TLK1: variants seen among roughly 807,000 people sequenced by gnomAD.
TLK1 encodes serine/threonine-protein kinase tousled-like 1.
Under a neutral mutation model 105.3 loss-of-function variants are expected in TLK1, and 24 were observed. The ratio of observed to expected loss-of-function variants is 0.23; its 90% CI spans 0.17 to 0.32. TLK1 has a LOEUF of 0.32. Among genes scored for constraint, TLK1 ranks in the 10% least tolerant of loss-of-function variants. The pLI, the probability that TLK1 is intolerant of heterozygous loss-of-function variation, is 1.00. For missense variants in TLK1, 558 were observed against 910.5 expected, an observed-to-expected ratio of 0.61 and a Z score of 4.98; for synonymous variants, 321 against 310.4, an observed-to-expected ratio of 1.03 and a Z score of -0.36.
Position 170,993,102 on chromosome 2 carries a change from T to C in TLK1, c.*678A>G, listed in dbSNP as rs1045327. The C allele has an allele frequency of 0.21, 31,648 of 152,588 alleles. 3,902 individuals are homozygous for C. The highest frequency in any genetic ancestry group is 0.28 in the Non-Finnish European group (19,231 of 67,980). 9.5% of individuals were successfully genotyped at this position (152,588 alleles called of 1,614,324 possible). A position where few individuals can be genotyped will look rare whatever the true frequency, so the allele number is the denominator to read the frequency against. ...CACAAGCAGCTCATTTTGTCAAAGG[T>C]GTAAAGTATTTAGAAATAATAGCTC... On this transcript the variant is annotated 3_prime_UTR_variant, in exon 21 of 21. Coordinates refer to ENST00000431350, the MANE Select transcript of TLK1 (RefSeq NM_012290.5).
At chr2:171,077,470 A>T (rs1333453445) in intron 3 of TLK1, among the ~76,000 whole-genome samples, 1 of 152,204 alleles carries the variant, frequency 6.6e-6, no homozygotes, top group East Asian at 1.9e-4. Context: ...GTTCTGCCAA[A>T]AGCAGTCAAT....
intron 11 of TLK1, among the ~76,000 whole-genome samples, chr2:171,044,948 A>G: frequency 6.6e-6 from 1 of 152,204 alleles, no homozygotes; most frequent in East Asian, 1.9e-4. Flanking sequence ...AAGGCAGAAG[A>G]GACTACGAGG....
At chr2:171,173,176 T>G (rs1692760334) in intron 1 of TLK1, among the ~76,000 whole-genome samples, 1 of 152,212 alleles carries the variant, frequency 6.6e-6, no homozygotes, top group Admixed American at 6.5e-5. Context: ...TTTGGTATGA[T>G]GTAGGGTGAA....
chr2:171,070,530 T>TG (rs1688203828), intron 3 of TLK1, among the ~76,000 whole-genome samples: 1 of 152,208 alleles, frequency 6.6e-6, no homozygotes, highest in Admixed American at 6.5e-5. Context: ...ATGTGAAGTT[T>TG]GTCTTTCTGT....
intron 11 of TLK1, among the ~76,000 whole-genome samples, chr2:171,044,958 G>T (rs1275496615): frequency 4.6e-5 from 7 of 152,132 alleles, no homozygotes. Flanking sequence ...AGACTACGAG[G>T]ACAGGCAACT....
intron 3 of TLK1, 104 bp from the exon 4 acceptor site, chr2:171,061,260 TA>T (rs1222695641): frequency 1.7e-5 from 17 of 982,432 alleles, no homozygotes; most frequent in Non-Finnish European, 2.5e-5. Flanking sequence ...TAGCATTCAG[TA>T]GTGCTCAAGA....
chr2:171,126,771 T>C (rs1008947566), intron 1 of TLK1, among the ~76,000 whole-genome samples: 3 of 151,946 alleles, frequency 2.0e-5, no homozygotes, highest in African/African-American at 7.2e-5. Context: ...CTACTTTTCA[T>C]ATTACACTTG....
At chr2:171,126,811 C>T (rs973371079) in intron 1 of TLK1, among the ~76,000 whole-genome samples, 2 of 151,578 alleles carry the variant, frequency 1.3e-5, no homozygotes, top group Admixed American at 6.6e-5. Flanking sequence ...ACAGTTAAAG[C>T]TTTTCTTCTA....
chr2:170,995,188 G>C (rs1337141585), intron 20 of TLK1, among the ~76,000 whole-genome samples: 1 of 152,144 alleles, frequency 6.6e-6, no homozygotes, highest in African/African-American at 2.4e-5. Flanking sequence ...ATATGTTAGA[G>C]TTTGAGGAGT....
rs535144998 is a variant in TLK1, at chr2:171,073,421, C to T, written c.330+9360G>A. ...ATCCATTTCATGATTTCATGACCTACAAGAACTCAACTAGACAGAATATAT... is the reference window on the plus strand; with the variant it reads ...ATCCATTTCATGATTTCATGACCTATAAGAACTCAACTAGACAGAATATAT... On this transcript the variant is annotated intron_variant, in intron 3 of 20. Coordinates refer to ENST00000431350, the MANE Select transcript of TLK1 (RefSeq NM_012290.5). Among the ~76,000 whole-genome samples the T allele has an allele frequency of 2.6e-5, 4 of 152,218 alleles. No homozygotes were observed. In the South Asian group the frequency reaches 8.3e-4, roughly 32 times the overall value.
intron 1 of TLK1, among the ~76,000 whole-genome samples, chr2:171,157,811 G>A (rs1692297167): frequency 1.3e-5 from 2 of 152,156 alleles, no homozygotes; most frequent in South Asian, 4.1e-4. Context: ...GAATATTTAT[G>A]TAAGTTCACA....
chr2:171,056,691 C>T, intron 5 of TLK1, 125 bp from the exon 6 acceptor site: 1 of 620,336 alleles, frequency 1.6e-6, no homozygotes, highest in Non-Finnish European at 2.5e-6. Flanking sequence ...TTAAATGGGT[C>T]CAGAACAAAA....
intron 1 of TLK1, among the ~76,000 whole-genome samples, chr2:171,187,665 C>T (rs1466230881): frequency 6.6e-6 from 1 of 152,110 alleles, no homozygotes; most frequent in African/African-American, 2.4e-5. Flanking sequence ...TTTAGGAAGC[C>T]AGCTCTCCAC....
intron 1 of TLK1, among the ~76,000 whole-genome samples, chr2:171,223,577 T>G (rs527928075): frequency 6.6e-6 from 1 of 151,884 alleles, no homozygotes; most frequent in African/African-American, 2.4e-5. Flanking sequence ...CTTCCTGAGT[T>G]CAAGCGATTC....
At chr2:171,105,555 G>T (rs58685348) in intron 2 of TLK1, among the ~76,000 whole-genome samples, 17,191 of 152,016 alleles carry the variant, frequency 0.11, 1,535 homozygotes, top group African/African-American at 0.24. Context: ...GTGTGGTGGC[G>T]TGCGCCTGTA....
chr2:171,203,888 A>T (rs1334824357), intron 1 of TLK1, among the ~76,000 whole-genome samples: 1 of 151,098 alleles, frequency 6.6e-6, no homozygotes, highest in Non-Finnish European at 1.5e-5. Flanking sequence ...TATCTCTACT[A>T]AAAAAATACA....
At chr2:171,129,861 A>G (rs1415553538) in intron 1 of TLK1, among the ~76,000 whole-genome samples, 1 of 152,012 alleles carries the variant, frequency 6.6e-6, no homozygotes, top group Non-Finnish European at 1.5e-5. Flanking sequence ...ATAACATAAC[A>G]TAACATAACA....
intron 1 of TLK1, among the ~76,000 whole-genome samples, chr2:171,201,429 T>G (rs1458903366): frequency 2.0e-5 from 3 of 152,208 alleles, no homozygotes; most frequent in Non-Finnish European, 1.5e-5. Flanking sequence ...ACATGAACCC[T>G]GCCTGACCTC....
rs1225889338 is a variant in TLK1 at position 171,014,834 on chromosome 2, T to C, written c.1334+17A>G. 1.3e-6 allele frequency: 2 copies of C among 1,574,266 alleles called. No homozygotes were observed. The highest frequency in any genetic ancestry group is 1.7e-6 in the Non-Finnish European group (2 of 1,145,006). On this transcript the variant is annotated intron_variant, in intron 13 of 20. Transcript: ENST00000431350. ...GTTTTAATAATATGAAACTGTGAAATGCAAATAATGACTTACTGTGAATTA... is the reference window on the plus strand; with the variant it reads ...GTTTTAATAATATGAAACTGTGAAACGCAAATAATGACTTACTGTGAATTA...
Sources: allele counts gnomAD v4.1 joint callset (sites outside exome capture counted in the v4.1 genomes callset), GRCh38; gene constraint gnomAD v4.1.1; transcripts MANE v1.5; gene names NCBI Gene and HGNC (gene_info 2026-07-23, HGNC 2026-07-21).